The following STK35 variants were observed in gnomAD, a reference collection of about 807,000 sequenced individuals.
The protein encoded by STK35 is serine/threonine-protein kinase 35.
Under a neutral mutation model 37.3 loss-of-function variants are expected in STK35, and 17 were observed. That is an observed-to-expected ratio of 0.46 (90% CI 0.31 to 0.68). The LOEUF (loss-of-function observed/expected upper bound fraction) is 0.68, where lower values mean the gene tolerates loss of function less well. Ranked by LOEUF, STK35 falls within the 30% of genes least tolerant of loss-of-function variation. The pLI is 0.05. For synonymous variants in STK35, 385 were observed against 319.1 expected, an observed-to-expected ratio of 1.21 and a Z score of -2.20; for missense variants, 595 against 746.7, an observed-to-expected ratio of 0.80 and a Z score of 2.37.
chr20:2,103,515 G>A, intron 2 of STK35, 150 bp downstream of exon 2: 1 of 732,268 alleles, frequency 1.4e-6, no homozygotes, highest in Admixed American at 3.1e-5. Context: ...CTGGGCCCAG[G>A]CATTCGGCCC....
chr20:2,108,275 G>A (rs1312639375), intron 2 of STK35, among the ~76,000 whole-genome samples: 3 of 152,212 alleles, frequency 2.0e-5, no homozygotes, highest in Non-Finnish European at 2.9e-5. Context: ...TTGGGAGGCC[G>A]AGGTGGACGG....
At chr20:2,141,172 A>G (rs1047874439) in intron 3 of STK35, among the ~76,000 whole-genome samples, 4 of 152,224 alleles carry the variant, frequency 2.6e-5, no homozygotes, top group Non-Finnish European at 4.4e-5. Flanking sequence ...GAAAGCACGG[A>G]GAGAAAGCAA....
In STK35 at chr20:2,101,941, G is replaced by C. The variant is rs1435723898; in HGVS notation, c.60G>C (p.Lys20Asn). ...CGGCGGGAGGTGCAGCTTATGTAAA[G>C]AGGTTATGTAAAGGGCTCAGCTGGC... is the stretch of plus-strand genomic sequence containing the variant. ...RAPAGGAAYV[K>N]RLCKGLSWRE... The change falls in exon 1 of 4, where the codon AAG (lysine) becomes AAC (asparagine). Residue 20 changes from lysine (K) to asparagine (N), a missense_variant. Lys to Asn is a moderately conservative substitution (Grantham distance 94). Transcript: ENST00000381482. The C allele has an allele frequency of 7.3e-6, 11 of 1,504,372 alleles. No homozygotes were observed. Among genetic ancestry groups the C allele is most frequent in the Non-Finnish European group, 9.8e-6 (11 of 1,125,518 alleles). The allele number at this position is 1,504,372 out of a possible 1,614,324, so 93.2% of individuals were successfully genotyped here.
At chr20:2,113,157 C>G (rs757868683) in intron 2 of STK35, among the ~76,000 whole-genome samples, 17 of 152,160 alleles carry the variant, frequency 1.1e-4, no homozygotes, top group Non-Finnish European at 2.2e-4. Flanking sequence ...AGTTTGATTA[C>G]TTTCCCTTCC....
chr20:2,106,509 T>C (rs1197025365), intron 2 of STK35, among the ~76,000 whole-genome samples: 2 of 152,204 alleles, frequency 1.3e-5, no homozygotes, highest in Admixed American at 6.5e-5. Context: ...TGGAAGAAGA[T>C]TTAAATGCTA....
At chr20:2,121,573 G>A (rs577827521) in intron 3 of STK35, among the ~76,000 whole-genome samples, 1 of 152,324 alleles carries the variant, frequency 6.6e-6, no homozygotes, top group South Asian at 2.1e-4. Flanking sequence ...AGAGTAGGCA[G>A]TTGGATGAGT....
chr20:2,133,600 C>T (rs369189417), intron 3 of STK35, among the ~76,000 whole-genome samples: 21 of 152,180 alleles, frequency 1.4e-4, no homozygotes, highest in African/African-American at 3.6e-4. Flanking sequence ...GCCAGAAAGA[C>T]GAGGTTTAAG....
chr20:2,108,552 G>C lies in STK35; in HGVS notation c.892+5187G>C, dbSNP rs181349569. On this transcript the variant is annotated intron_variant, in intron 2 of 3. Transcript: ENST00000381482. ...TAATGGCTCCTCTTTGTTTTTAGTT[G>C]TATATTGATCAGTGCTTGTGGCACT... Among the ~76,000 whole-genome samples, 114 of 152,258 alleles carry C rather than the reference G, an allele frequency of 7.5e-4. No individual in the cohort carries two copies. In the Middle Eastern group the frequency reaches 0.01, roughly 14 times the overall value.
intron 3 of STK35, among the ~76,000 whole-genome samples, chr20:2,139,452 G>A (rs1986138117): frequency 6.6e-6 from 1 of 152,174 alleles, no homozygotes; most frequent in African/African-American, 2.4e-5. Context: ...GATTAGATGG[G>A]TTTTAAACTC....
chr20:2,119,254 G>T (rs575667205), intron 3 of STK35, among the ~76,000 whole-genome samples: 1 of 152,340 alleles, frequency 6.6e-6, no homozygotes, highest in African/African-American at 2.4e-5. Flanking sequence ...GGGTGTTGAT[G>T]CACAGAGTCA....
intron 2 of STK35, among the ~76,000 whole-genome samples, chr20:2,108,961 C>T (rs1398178885): frequency 6.6e-6 from 1 of 152,210 alleles, no homozygotes; most frequent in Non-Finnish European, 1.5e-5. Flanking sequence ...GCATATTCTG[C>T]ATACCCTACT....
At chr20:2,115,645 T>C (rs1273257219) in intron 2 of STK35, among the ~76,000 whole-genome samples, 1 of 152,124 alleles carries the variant, frequency 6.6e-6, no homozygotes, top group African/African-American at 2.4e-5. Flanking sequence ...CTTGGAGAGG[T>C]TGGTCACCAG....
At chr20:2,114,823 A>G (rs1249657148) in intron 2 of STK35, among the ~76,000 whole-genome samples, 1 of 152,118 alleles carries the variant, frequency 6.6e-6, no homozygotes, top group Non-Finnish European at 1.5e-5. Flanking sequence ...TTATTCCCCC[A>G]CCAGAAGTTT....
intron 3 of STK35, among the ~76,000 whole-genome samples, chr20:2,143,349 G>A (rs1986201769): frequency 1.3e-5 from 2 of 152,302 alleles, no homozygotes; most frequent in Admixed American, 1.3e-4. Context: ...GGTTGCTGTG[G>A]CGTTTCTAAC....
rs1490578632 is a variant in STK35, at chr20:2,103,277, C to T, written c.804C>T (p.Val268=). 4.3e-6 allele frequency: 7 copies of T among 1,613,044 alleles called. No individual in the cohort carries two copies. Among genetic ancestry groups the T allele is most frequent in the Admixed American group, 3.3e-5 (2 of 59,946 alleles). The change falls in exon 2 of 4, where the codon GTC becomes GTT. Residue 268 remains valine, a synonymous_variant. Transcript: ENST00000381482. ...ACGTCGTGCAGTTTGAGGAGTGCGT[C>T]CTGCAGCGCAATGGGTTAGCCCAGC... ...HQNVVQFEEC[V]LQRNGLAQRM...
intron 2 of STK35, among the ~76,000 whole-genome samples, chr20:2,110,337 C>A (rs1218657824): frequency 6.6e-6 from 1 of 152,224 alleles, no homozygotes; most frequent in Non-Finnish European, 1.5e-5. Flanking sequence ...TTCCCCCCTT[C>A]ACATTAAAAC....
intron 2 of STK35, among the ~76,000 whole-genome samples, chr20:2,112,437 CCTGA>C (rs1469426854): frequency 1.3e-5 from 2 of 152,158 alleles, no homozygotes; most frequent in Admixed American, 1.3e-4. Flanking sequence ...ATTATGGTCA[CCTGA>C]CTGTCAGACT....
chr20:2,134,386 C>T (rs1427105248), intron 3 of STK35, among the ~76,000 whole-genome samples: 1 of 152,184 alleles, frequency 6.6e-6, no homozygotes, highest in African/African-American at 2.4e-5. Context: ...TGCCTCCCTC[C>T]AAACACTCTT....
rs755533824 is a variant in STK35 at position 2,103,071 on chromosome 20, C to G, written c.598C>G (p.Pro200Ala). The G allele has an allele frequency of 1.3e-6, 2 of 1,580,196 alleles. No individual in the cohort carries two copies. The highest frequency in any genetic ancestry group is 4.6e-5 in the East Asian group (2 of 43,144). The change falls in exon 2 of 4, where the codon CCG (proline) becomes GCG (alanine). Residue 200 changes from proline to alanine, a missense_variant. Physicochemically the swap from Pro to Ala is conservative, Grantham distance 27. Transcript: ENST00000381482. Reference protein sequence around the residue: ...RPEGGGGSARPRYSLLAEIGR... With the variant: ...RPEGGGGSARARYSLLAEIGR... ...TGAGGGCGGTGGCGGGTCCGCGCGG[C>G]CGCGTTACAGCCTGTTGGCGGAGAT...
Sources: gnomAD v4.1 joint callset for allele counts (sites outside exome capture counted in the v4.1 genomes callset) on GRCh38, gnomAD v4.1.1 for gene constraint, MANE v1.5 for transcripts, NCBI Gene and HGNC (gene_info 2026-07-23, HGNC 2026-07-21) for gene names.